The following ZRANB1 variants were observed in gnomAD, a reference collection of about 807,000 sequenced individuals.
The protein encoded by ZRANB1 is zinc finger RANBP2-type containing 1.
A neutral mutation model predicts 80.5 loss-of-function variants in ZRANB1; 16 were observed. That is an observed-to-expected ratio of 0.20 (90% confidence interval 0.13 to 0.30). ZRANB1 has a LOEUF of 0.30. Among genes scored for constraint, ZRANB1 ranks in the 10% least tolerant of loss-of-function variants. The pLI, the probability that ZRANB1 is intolerant of heterozygous loss-of-function variation, is 1.00. For synonymous variants in ZRANB1, 291 were observed against 293.1 expected (o/e 0.99, Z 0.07); for missense variants, 576 against 862.6 (o/e 0.67, Z 4.16).
intron 5 of ZRANB1, among the ~76,000 whole-genome samples, chr10:124,976,429 A>T (rs1013291467): frequency 2.6e-5 from 4 of 152,190 alleles, no homozygotes; most frequent in Non-Finnish European, 5.9e-5. Context: ...GTGGTTTCAC[A>T]GGTCTGCCTT....
intron 5 of ZRANB1, 192 bp from the exon 6 acceptor site, chr10:124,981,517 G>A (rs1223158783): frequency 4.4e-6 from 2 of 454,034 alleles, no homozygotes; most frequent in East Asian, 4.1e-5. Context: ...GTTAAAGGAT[G>A]TTACAAGGTA....
chr10:124,934,974 G>A, the ZRANB1 span, among the ~76,000 whole-genome samples: 5 of 152,326 alleles, frequency 3.3e-5, no homozygotes, highest in Admixed American at 6.5e-5. Context: ...TGTGAGAACA[G>A]TATGTTTAAT....
At chr10:124,941,728 A>T (rs556098155), upstream of ZRANB1, among the ~76,000 whole-genome samples, 4 of 152,306 alleles carry the variant, frequency 2.6e-5, no homozygotes, top group Non-Finnish European at 5.9e-5. Flanking sequence ...TTATATTGGA[A>T]TGATTATGCT....
rs760349053 is a variant in ZRANB1, at chr10:124,942,633, G to T, written c.140G>T (p.Ser47Ile). 1 of 1,614,116 alleles carries T rather than the reference G, an allele frequency of 6.2e-7. No homozygotes were observed. The highest frequency in any genetic ancestry group is 8.5e-7 in the Non-Finnish European group (1 of 1,180,054). ...GAAGATCCATTTAAAAGTGGTTCAA[G>T]TGATGTTGGTAGAGATTGGGATCCT... ...ITEDPFKSGSSDVGRDWDPSS... is the reference protein window; with the variant it reads ...ITEDPFKSGSIDVGRDWDPSS... Residue 47 changes from serine (S) to isoleucine (I), a missense_variant, in exon 1 of 9, where the codon AGT (serine) becomes ATT (isoleucine). By Grantham distance (142) the Ser-to-Ile change is moderately radical. This residue lies in a region of ZRANB1 where 411 missense variants were observed against 583.1 expected (regional missense o/e 0.70). Transcript: ENST00000359653.
chr10:124,963,555 T>G (rs1200583765), intron 1 of ZRANB1, among the ~76,000 whole-genome samples: 2 of 48,720 alleles, frequency 4.1e-5, no homozygotes, highest in East Asian at 4.1e-4. Flanking sequence ...TTTTTGTTTG[T>G]TTTTTTTTTT....
intron 1 of ZRANB1, among the ~76,000 whole-genome samples, chr10:124,959,540 A>C (rs1951714436): frequency 6.6e-6 from 1 of 151,542 alleles, no homozygotes; most frequent in South Asian, 2.1e-4. Flanking sequence ...ATCACGGCTC[A>C]CTGCAGCCTC....
At chr10:124,972,665 A>G (rs1020482197) in intron 3 of ZRANB1, among the ~76,000 whole-genome samples, 1 of 152,222 alleles carries the variant, frequency 6.6e-6, no homozygotes, top group Non-Finnish European at 1.5e-5. Context: ...TTGACAGTTG[A>G]AAACATCCTC....
At chr10:124,918,451 A>C in the ZRANB1 span, among the ~76,000 whole-genome samples, 1 of 152,182 alleles carries the variant, frequency 6.6e-6, no homozygotes, top group East Asian at 1.9e-4. Flanking sequence ...CGGCCTTCCA[A>C]AGTCCTGGAT....
At chr10:124,957,382 T>C (rs1242445425) in intron 1 of ZRANB1, among the ~76,000 whole-genome samples, 4 of 152,202 alleles carry the variant, frequency 2.6e-5, no homozygotes, top group Admixed American at 2.6e-4. Flanking sequence ...GTTCCTTTTT[T>C]TTGCAATTTA....
Position 124,943,248 on chromosome 10 carries a change from T to G in ZRANB1, c.755T>G (p.Leu252Arg). ...GAACTTGAAGTAGACTTTAAAAAAC[T>G]AAAGCAAATTAAAAACAGGATGAAA... ...KEELEVDFKK[L>R]KQIKNRMKKT... Residue 252 changes from leucine to arginine, a missense_variant, in exon 1 of 9, where the codon CTA (leucine) becomes CGA (arginine). Leu to Arg is a moderately radical substitution (Grantham distance 102, BLOSUM62 -2). Coordinates refer to ENST00000359653, the MANE Select transcript of ZRANB1 (RefSeq NM_017580.3). 6.2e-7 allele frequency: 1 copy of G among 1,614,132 alleles called. No individual in the cohort carries two copies. Among genetic ancestry groups the G allele is most frequent in the Non-Finnish European group, 8.5e-7 (1 of 1,180,020 alleles).
At chr10:124,962,781 G>A (rs1951744499) in intron 1 of ZRANB1, among the ~76,000 whole-genome samples, 1 of 152,084 alleles carries the variant, frequency 6.6e-6, no homozygotes, top group South Asian at 2.1e-4. Context: ...CACTTTATCT[G>A]TAATTATGTT....
At position 124,959,765 on chromosome 10, in the gene ZRANB1, G is replaced by A. The variant is rs145447820; in HGVS notation, c.815-6829G>A. On this transcript the variant is annotated intron_variant, in intron 1 of 8. Coordinates refer to ENST00000359653, the MANE Select transcript of ZRANB1 (RefSeq NM_017580.3). ...GTGAGCCACTGCGCCCAGCCTAGTG[G>A]TCAACTTTTGAAAAGGGAATGCCGT... Among the ~76,000 whole-genome samples the A allele has an allele frequency of 5.1e-4, 77 of 152,266 alleles. 2 individuals are homozygous for A. In the East Asian group the frequency reaches 0.012, roughly 23 times the overall value.
intron 1 of ZRANB1, among the ~76,000 whole-genome samples, chr10:124,959,038 A>G (rs1011363772): frequency 1.5e-4 from 23 of 152,172 alleles, no homozygotes; most frequent in Admixed American, 1.3e-3. Flanking sequence ...TCATGCATTC[A>G]GGTACTCCCT....
At chr10:124,927,198 G>T in the ZRANB1 span, among the ~76,000 whole-genome samples, 1 of 151,942 alleles carries the variant, frequency 6.6e-6, no homozygotes, top group African/African-American at 2.4e-5. Flanking sequence ...CTCGTGATCC[G>T]CCCGCCTCGG....
intron 1 of ZRANB1, among the ~76,000 whole-genome samples, chr10:124,951,425 G>A (rs1004276253): frequency 1.3e-5 from 2 of 152,130 alleles, no homozygotes; most frequent in Non-Finnish European, 2.9e-5. Context: ...AAATTACCAT[G>A]TCAAAACGGA....
chr10:124,984,953 G>A lies in ZRANB1; in HGVS notation c.2088G>A (p.Leu696=), dbSNP rs182024500. The A allele has an allele frequency of 4.7e-5, 76 of 1,613,774 alleles. No individual in the cohort carries two copies. In the Admixed American group the frequency reaches 9.5e-4, roughly 20 times the overall value. Residue 696 remains leucine (L), a synonymous_variant, in exon 9 of 9, where the codon CTG becomes CTA. Transcript: ENST00000359653. The stretch of plus-strand genomic sequence containing the variant: ...GACAGATCCGGCCGTGTACATCCCT[G>A]TCTGATGGAGAGGAAGATGAGGATG... ...RYRQIRPCTS[L]SDGEEDEDDE... is the part of the protein sequence containing the mutation.
the ZRANB1 span, among the ~76,000 whole-genome samples, chr10:124,926,619 A>G: frequency 2.0e-5 from 3 of 152,308 alleles, no homozygotes; most frequent in Middle Eastern, 3.4e-3. Flanking sequence ...GCTTCTTTAC[A>G]GTAGACTTTT....
intron 1 of ZRANB1, among the ~76,000 whole-genome samples, chr10:124,958,056 A>G (rs868180011): frequency 6.6e-6 from 1 of 152,188 alleles, no homozygotes; most frequent in African/African-American, 2.4e-5. Context: ...TTGAGACTGA[A>G]TAATATTTCA....
At chr10:124,932,858 G>T in the ZRANB1 span, among the ~76,000 whole-genome samples, 1 of 151,936 alleles carries the variant, frequency 6.6e-6, no homozygotes, top group Non-Finnish European at 1.5e-5. Context: ...CCACCCCCCT[G>T]CATTTGAAAA....
Sources: gnomAD v4.1 joint callset for allele counts (sites outside exome capture counted in the v4.1 genomes callset) on GRCh38, gnomAD v4.1.1 for gene constraint, gnomAD v4.1.1 regional missense constraint, MANE v1.5 for transcripts, NCBI Gene and HGNC (gene_info 2026-07-23, HGNC 2026-07-21) for gene names.